The following PRRC2B variants were observed in gnomAD, a reference collection of about 807,000 sequenced individuals.
The protein encoded by PRRC2B is protein PRRC2B.
PRRC2B carries 68 observed loss-of-function variants against 242.3 expected under a neutral mutation model. The observed-to-expected ratio is 0.28, with a 90% CI of 0.23 to 0.34. The LOEUF (loss-of-function observed/expected upper bound fraction) is 0.34. Among genes scored for constraint, PRRC2B ranks in the 10% least tolerant of loss-of-function variants. PRRC2B has a pLI of 1.00. For missense variants in PRRC2B, 2,835 were observed against 2,954.8 expected, an observed-to-expected ratio of 0.96 and a Z score of 0.94; for synonymous variants, 1,228 against 1,173.6, an observed-to-expected ratio of 1.05 and a Z score of -0.95.
At chr9:131,423,802 G>A (rs899998135) in intron 1 of PRRC2B, among the ~76,000 whole-genome samples, 4 of 152,198 alleles carry the variant, frequency 2.6e-5, no homozygotes, top group Non-Finnish European at 5.9e-5. Context: ...AATTGTCCTC[G>A]TAGGGGCTGC....
upstream of PRRC2B, among the ~76,000 whole-genome samples, chr9:131,392,003 A>C (rs1389953041): frequency 6.6e-6 from 1 of 151,994 alleles, no homozygotes; most frequent in Non-Finnish European, 1.5e-5. Context: ...GGCCTCCCAA[A>C]GTGGTGGGAT....
intron 11 of PRRC2B, among the ~76,000 whole-genome samples, chr9:131,460,372 C>A (rs1028234997): frequency 6.6e-6 from 1 of 152,192 alleles, no homozygotes; most frequent in Non-Finnish European, 1.5e-5. Flanking sequence ...CAGTGGAATG[C>A]CCCTCAAATT....
chr9:131,417,913 A>G (rs1408667238), intron 1 of PRRC2B, among the ~76,000 whole-genome samples: 6 of 152,204 alleles, frequency 3.9e-5, no homozygotes, highest in Non-Finnish European at 8.8e-5. Context: ...TTTGTGTCAG[A>G]ACCTCAAGAA....
In PRRC2B at chr9:131,475,537, C is replaced by T. The variant is rs751282495; in HGVS notation, c.3408C>T (p.Ser1136=). Residue 1136 remains serine (S), a synonymous_variant, in exon 16 of 32, where the codon AGC becomes AGT. Coordinates refer to ENST00000683519, the MANE Select transcript of PRRC2B (RefSeq NM_013318.4). Reference sequence around the variant, plus strand: ...GGAGAGTTGCCAGTGAGACCCATAGCGAGGGCTCAGAGTATGAAGAACTTC... The same window carrying T: ...GGAGAGTTGCCAGTGAGACCCATAGTGAGGGCTCAGAGTATGAAGAACTTC... ...PRRRVASETH[S]EGSEYEELPK... 13 of 1,612,200 alleles carry T rather than the reference C, an allele frequency of 8.1e-6. No homozygotes were observed. Among genetic ancestry groups the T allele is most frequent in the East Asian group, 2.2e-5 (1 of 44,866 alleles).
Position 131,446,723 on chromosome 9 carries a change from C to T in PRRC2B, c.855+81C>T. The stretch of plus-strand genomic sequence containing the variant: ...GATAGGTCAAGTGGTTGAATGTCCC[C>T]CTTGGGGTCTCCTCTTGGCCCTGTT... On this transcript the variant is annotated intron_variant, in intron 7 of 31. Coordinates refer to ENST00000683519, the MANE Select transcript of PRRC2B (RefSeq NM_013318.4). The surrounding 1 kb of genome is among the most constrained non-coding windows in gnomAD (Gnocchi z 4.1). 1 of 1,507,122 alleles carries T rather than the reference C, an allele frequency of 6.6e-7. No homozygotes were observed. The highest frequency in any genetic ancestry group is 2.3e-5 in the East Asian group (1 of 44,162). The allele number at this position is 1,507,122 out of a possible 1,614,324, so 93.4% of individuals were successfully genotyped here.
rs767127450 is a variant in PRRC2B at position 131,484,687 on chromosome 9, C to A, written c.5462C>A (p.Ala1821Glu). ...VKLQDALASN[A>E]GLTQSIPILR... ...TGGTTTCCTTTTCCTCCTCTCCAGG[C>A]AGGGTTAACACAGAGTATCCCCATC... Residue 1821 changes from alanine (A) to glutamate (E), a missense_variant and splice_region_variant, in exon 24 of 32, where the codon GCA (alanine) becomes GAA (glutamate). Around this residue, in one of 7 missense-constraint regions of PRRC2B, gnomAD observed 574 missense variants for 626.0 expected, o/e 0.92. Transcript: ENST00000683519. The A allele has an allele frequency of 1.9e-6, 3 of 1,600,874 alleles. No individual in the cohort carries two copies. In the South Asian group the frequency reaches 3.4e-5, roughly 18 times the overall value.
chr9:131,471,249 T>C lies in PRRC2B; in HGVS notation c.2107+266T>C, dbSNP rs563368089. On this transcript the variant is annotated intron_variant, in intron 14 of 31. Transcript: ENST00000683519. ...GATTTCTGCTATGTCGTTTTGTCCT[T>C]CTTCTCATTCTTAATGTTCTTTGTG... Among the ~76,000 whole-genome samples, 5 of 152,362 alleles carry C rather than the reference T, an allele frequency of 3.3e-5. No homozygotes were observed. The South Asian group carries it at 1.0e-3, about 32-fold the overall frequency.
chr9:131,485,705 C>G lies in PRRC2B; in HGVS notation c.5759-380C>G, dbSNP rs768341137. On this transcript the variant is annotated intron_variant, in intron 25 of 31. Coordinates refer to ENST00000683519, the MANE Select transcript of PRRC2B (RefSeq NM_013318.4). ...TCCAATAGATCCTTCTGACCCTCCA[C>G]TGTGGACTCAATAGCAGGGAGATGA... The G allele has an allele frequency of 1.4e-5, 8 of 555,308 alleles. No homozygotes were observed. The African/African-American group carries it at 1.5e-4, about 10-fold the overall frequency. 34.4% of individuals were successfully genotyped at this position (555,308 alleles called of 1,614,324 possible).
chr9:131,398,182 A>C (rs1289355198), intron 1 of PRRC2B, among the ~76,000 whole-genome samples: 1 of 152,258 alleles, frequency 6.6e-6, no homozygotes, highest in Non-Finnish European at 1.5e-5. Context: ...GGGAGCTGGC[A>C]GACCTGGGCC....
At position 131,482,517 on chromosome 9, in the gene PRRC2B, G is replaced by A. The variant is rs1186601386; in HGVS notation, c.5130G>A (p.Lys1710=). 1.2e-6 allele frequency: 2 copies of A among 1,609,530 alleles called. No individual in the cohort carries two copies. The highest frequency in any genetic ancestry group is 2.2e-5 in the East Asian group (1 of 44,764). The change falls in exon 21 of 32, where the codon AAG becomes AAA. Residue 1710 remains lysine (K), a synonymous_variant. Coordinates refer to ENST00000683519, the MANE Select transcript of PRRC2B (RefSeq NM_013318.4). The surrounding 1 kb of genome is among the most constrained non-coding windows in gnomAD (Gnocchi z 5.2). Reference sequence around the variant, plus strand: ...GCGGGCCCGGCCTGGCGGAACCCAAGGCCGACAGCCACAAGGAGCAGGCTC... The same window carrying A: ...GCGGGCCCGGCCTGGCGGAACCCAAAGCCGACAGCCACAAGGAGCAGGCTC... The part of the protein sequence containing the change: ...EMSGPGLAEP[K]ADSHKEQAPK...
chr9:131,446,023 C>T lies in PRRC2B; in HGVS notation c.614-378C>T, dbSNP rs1838789258. Reference sequence around the variant, plus strand: ...CTTGCTCCTGTTTTAATGTGTAGTCCAGTGCTGACCCTAAGTGGGCTGGTC... The same window carrying T: ...CTTGCTCCTGTTTTAATGTGTAGTCTAGTGCTGACCCTAAGTGGGCTGGTC... On this transcript the variant is annotated intron_variant, in intron 6 of 31. Coordinates refer to ENST00000683519, the MANE Select transcript of PRRC2B (RefSeq NM_013318.4). The surrounding 1 kb of genome is among the most constrained non-coding windows in gnomAD (Gnocchi z 4.1). Among the ~76,000 whole-genome samples the T allele has an allele frequency of 1.3e-5, 2 of 152,122 alleles. No homozygotes were observed. Among genetic ancestry groups the T allele is most frequent in the African/African-American group, 4.8e-5 (2 of 41,414 alleles).
At chr9:131,424,765 A>G (rs1837936701) in intron 1 of PRRC2B, among the ~76,000 whole-genome samples, 2 of 152,202 alleles carry the variant, frequency 1.3e-5, no homozygotes, top group South Asian at 2.1e-4. Context: ...TGTTAGTCCA[A>G]TGTGTTTCTT....
chr9:131,473,624 CCT>C lies in PRRC2B; in HGVS notation c.2225_2226del (p.Pro742ArgfsTer24), dbSNP rs1943604141. ...ERKVTPIDSP[P>X]VWSPEGYMAL... Reference sequence around the variant, plus strand: ...AAAAGTGACCCCCATCGACTCACCCCCTGTGTGGAGCCCAGAGGGCTACATGG... The same window carrying C: ...AAAAGTGACCCCCATCGACTCACCCCGTGTGGAGCCCAGAGGGCTACATGG... On this transcript the variant is annotated frameshift_variant, in exon 15 of 32. Coordinates refer to ENST00000683519, the MANE Select transcript of PRRC2B (RefSeq NM_013318.4). LOFTEE classifies it high-confidence loss of function. 6.2e-7 allele frequency: 1 copy of C among 1,613,714 alleles called. No individual in the cohort carries two copies. Among genetic ancestry groups the C allele is most frequent in the Non-Finnish European group, 8.5e-7 (1 of 1,179,788 alleles).
rs780359962 is a variant in PRRC2B at position 131,386,200 on chromosome 9, C to T, written c.-56+12469C>T. 2.1e-4 allele frequency among the ~76,000 whole-genome samples: 31 copies of T among 150,084 alleles called. 1 individual carries two copies. Among genetic ancestry groups the T allele is most frequent in the Non-Finnish European group, 4.3e-4 (29 of 67,504 alleles). ...TGAACATGTCTCACTGCAGCCTCGA[C>T]TTCCTGGGCTCAAGCAATCCTCCCA... On this transcript the variant is annotated intron_variant, in intron 1 of 1. Coordinates refer to the PRRC2B transcript ENST00000682525.
At chr9:131,401,297 C>G (rs1837221022) in intron 1 of PRRC2B, among the ~76,000 whole-genome samples, 1 of 152,104 alleles carries the variant, frequency 6.6e-6, no homozygotes, top group Admixed American at 6.6e-5. Flanking sequence ...ACGTTCTCAT[C>G]TTCCCAAACT....
intron 1 of PRRC2B, among the ~76,000 whole-genome samples, chr9:131,423,820 C>G (rs1027227593): frequency 5.9e-5 from 9 of 152,204 alleles, no homozygotes; most frequent in African/African-American, 2.2e-4. Flanking sequence ...TGCTTTCATT[C>G]ACTGCAGCAG....
At chr9:131,409,184 G>A (rs542413662) in intron 1 of PRRC2B, among the ~76,000 whole-genome samples, 10 of 151,086 alleles carry the variant, frequency 6.6e-5, no homozygotes, top group Admixed American at 1.3e-4. Context: ...CACGACGCCC[G>A]GCTAATTTTG....
rs1431766977 is a variant in PRRC2B at position 131,448,555 on chromosome 9, A to AAAAAAAC, written c.1120+757_1120+758insCAAAAAA. Among the ~76,000 whole-genome samples the AAAAAAAC allele has an allele frequency of 6.6e-4, 84 of 126,920 alleles. 4 individuals are homozygous for AAAAAAAC. The Middle Eastern group carries it at 0.012, about 18-fold the overall frequency. 83.3% of individuals were successfully genotyped at this position (126,920 alleles called of 152,430 possible). On this transcript the variant is annotated intron_variant, in intron 9 of 31. Coordinates refer to ENST00000683519, the MANE Select transcript of PRRC2B (RefSeq NM_013318.4). The stretch of plus-strand genomic sequence containing the variant: ...GGAGACACTGTCTCAAAAAAAAAAA[A>AAAAAAAC]AAAAAAAAAAAAAAAGGAAAGAGAA...
chr9:131,395,701 C>T (rs1056080328), intron 1 of PRRC2B, among the ~76,000 whole-genome samples: 1 of 152,210 alleles, frequency 6.6e-6, no homozygotes, highest in Non-Finnish European at 1.5e-5. Flanking sequence ...ATGGATGCCA[C>T]AGGTGCTGGC....
Sources: allele counts gnomAD v4.1 joint callset (sites outside exome capture counted in the v4.1 genomes callset), GRCh38; gene constraint gnomAD v4.1.1; regional missense constraint gnomAD v4.1.1; non-coding constraint Gnocchi (gnomAD v3.1); transcripts MANE v1.5; gene names NCBI Gene and HGNC (gene_info 2026-07-23, HGNC 2026-07-21).